Variants in RANBP2 observed in about 807,000 individuals in gnomAD.
RANBP2 encodes the protein E3 SUMO-protein ligase RanBP2.
Under a neutral mutation model 303.6 loss-of-function variants are expected in RANBP2, and 57 were observed. The observed-to-expected ratio is 0.19, with a 90% CI of 0.15 to 0.23. The LOEUF is 0.23. Among genes scored for constraint, RANBP2 ranks in the 10% least tolerant of loss-of-function variants. The probability of loss-of-function intolerance (pLI) is 1.00; values close to 1 mark genes in which losing one functional copy is unlikely to be tolerated. For missense variants in RANBP2, 3,138 were observed against 3,780.8 expected (o/e 0.83, Z 4.46); for synonymous variants, 1,167 against 1,301.5 (o/e 0.90, Z 2.23).
At chr2:109,604,635 G>A in the RANBP2 span, among the ~76,000 whole-genome samples, 2 of 150,924 alleles carry the variant, frequency 1.3e-5, no homozygotes, top group South Asian at 2.1e-4. Context: ...GCTGAGGCAG[G>A]AGAATGGCAT....
intron 8 of RANBP2, 70 bp downstream of exon 8, chr2:108,746,868 A>G (rs1158414186): frequency 3.3e-6 from 2 of 611,988 alleles, no homozygotes; most frequent in Non-Finnish European, 5.9e-6. Flanking sequence ...ATCTTATGAT[A>G]AAATCTTCAT....
chr2:109,090,654 G>C, the RANBP2 span, among the ~76,000 whole-genome samples: 1 of 151,918 alleles, frequency 6.6e-6, no homozygotes, highest in Non-Finnish European at 1.5e-5. Flanking sequence ...TATTTAATTA[G>C]TTGCTTTAAT....
At chr2:109,302,298 A>T in the RANBP2 span, among the ~76,000 whole-genome samples, 3 of 152,214 alleles carry the variant, frequency 2.0e-5, no homozygotes, top group Non-Finnish European at 4.4e-5. Flanking sequence ...GTAATCATCC[A>T]TAACAGCATA....
the RANBP2 span, among the ~76,000 whole-genome samples, chr2:109,478,904 G>A: frequency 6.6e-6 from 1 of 152,326 alleles, no homozygotes; most frequent in Non-Finnish European, 1.5e-5. Flanking sequence ...GATGCTGTGG[G>A]TTGGGAATTG....
At chr2:108,922,730 C>T in the RANBP2 span, among the ~76,000 whole-genome samples, 1 of 152,134 alleles carries the variant, frequency 6.6e-6, no homozygotes, top group Non-Finnish European at 1.5e-5. Context: ...AGCTTCCTCC[C>T]AGCTGCTTGT....
chr2:108,902,812 AT>A, the RANBP2 span, among the ~76,000 whole-genome samples: 1 of 152,240 alleles, frequency 6.6e-6, no homozygotes, highest in African/African-American at 2.4e-5. Context: ...ATGGTGAAAA[AT>A]GGAATGCTTT....
the RANBP2 span, among the ~76,000 whole-genome samples, chr2:109,383,503 T>C: frequency 2.0e-5 from 3 of 152,222 alleles, no homozygotes; most frequent in African/African-American, 7.2e-5. Context: ...TCCTCCATGG[T>C]ACCTTCTGTT....
chr2:109,501,521 G>A, the RANBP2 span: 461 of 778,764 alleles, frequency 5.9e-4, 1 homozygote, highest in African/African-American at 5.1e-3. Flanking sequence ...TGGTGGTCTC[G>A]TACCCACCCC....
chr2:109,681,743 G>A, the RANBP2 span, among the ~76,000 whole-genome samples: 1 of 152,176 alleles, frequency 6.6e-6, no homozygotes, highest in Non-Finnish European at 1.5e-5. Context: ...GAGGGCAACT[G>A]GCCCCAACAT....
At chr2:108,842,888 C>T in the RANBP2 span, among the ~76,000 whole-genome samples, 235 of 152,240 alleles carry the variant, frequency 1.5e-3, no homozygotes, top group Non-Finnish European at 2.7e-3. Context: ...GTCATTTTAC[C>T]GGTTTGAATA....
the RANBP2 span, among the ~76,000 whole-genome samples, chr2:109,562,139 G>A: frequency 6.6e-6 from 1 of 152,020 alleles, no homozygotes; most frequent in African/African-American, 2.4e-5. Flanking sequence ...CTTGAACCCA[G>A]GAGGCAGAGG....
At chr2:109,251,483 T>G in the RANBP2 span, 2 of 739,830 alleles carry the variant, frequency 2.7e-6, no homozygotes, top group East Asian at 5.2e-5. Flanking sequence ...TCATTGAAAT[T>G]AAATGGTGGC....
At chr2:109,618,927 GAAATTTGGGAGATTGTA>G in the RANBP2 span, 1 of 167,060 alleles carries the variant, frequency 6.0e-6, no homozygotes, top group African/African-American at 2.4e-5. Flanking sequence ...TTAAATAAGT[GAAATTTGGGAGATTGTA>G]AAATCTGTAA....
chr2:108,783,333 T>TAAA (rs71381992), intron 28 of RANBP2, among the ~76,000 whole-genome samples: 1,536 of 41,378 alleles, frequency 0.037, 119 homozygotes, highest in African/African-American at 0.068. Flanking sequence ...AGCCTGTCAT[T>TAAA]AAAAAAAAAA....
chr2:108,881,281 T>A, the RANBP2 span, among the ~76,000 whole-genome samples: 1 of 152,236 alleles, frequency 6.6e-6, no homozygotes, highest in Non-Finnish European at 1.5e-5. Context: ...TAAAACCTCA[T>A]GAACCAACCT....
the RANBP2 span, among the ~76,000 whole-genome samples, chr2:108,843,366 C>T: frequency 6.6e-6 from 1 of 152,196 alleles, no homozygotes; most frequent in Non-Finnish European, 1.5e-5. Flanking sequence ...CCATGTTGGC[C>T]AGGCTGGTCT....
At chr2:109,312,727 T>A in the RANBP2 span, among the ~76,000 whole-genome samples, 1 of 152,270 alleles carries the variant, frequency 6.6e-6, no homozygotes, top group Non-Finnish European at 1.5e-5. Context: ...AGCTGAAGAA[T>A]GTCCCACTGT....
chr2:109,258,602 C>T, the RANBP2 span, among the ~76,000 whole-genome samples: 7 of 152,344 alleles, frequency 4.6e-5, no homozygotes, highest in Admixed American at 3.3e-4. Context: ...TTCCCCAGGC[C>T]GGGCCACAGC....
chr2:109,030,025 T>G, the RANBP2 span, among the ~76,000 whole-genome samples: 5 of 152,210 alleles, frequency 3.3e-5, no homozygotes, highest in Non-Finnish European at 5.9e-5. Flanking sequence ...CCAGTTCGAG[T>G]GTGTGGGTGA....
Sources: allele counts gnomAD v4.1 joint callset (sites outside exome capture counted in the v4.1 genomes callset), GRCh38; gene constraint gnomAD v4.1.1; transcripts MANE v1.5; gene names NCBI Gene and HGNC (gene_info 2026-07-23, HGNC 2026-07-21).